The following GBP4 variants were observed in gnomAD, a reference collection of about 807,000 sequenced individuals.
GBP4 encodes guanylate binding protein 4.
Under a neutral mutation model 62.2 loss-of-function variants are expected in GBP4, and 69 were observed. The observed-to-expected ratio is 1.11, with a 90% confidence interval of 0.91 to 1.36. The LOEUF is 1.36. Among genes scored for constraint, GBP4 ranks in the 40% most tolerant of loss-of-function variants. The pLI, the probability that GBP4 is intolerant of heterozygous loss-of-function variation, is 0.00. For missense variants in GBP4, 697 were observed against 759.3 expected, an observed-to-expected ratio of 0.92 and a Z score of 0.96; for synonymous variants, 278 against 274.6, an observed-to-expected ratio of 1.01 and a Z score of -0.12.
chr1:89,188,028 T>C (rs1405218621), intron 8 of GBP4, among the ~76,000 whole-genome samples: 1 of 152,174 alleles, frequency 6.6e-6, no homozygotes, highest in African/African-American at 2.4e-5. Context: ...TCTTAGGCAC[T>C]TTATTAACCT....
At chr1:89,198,138 A>C (rs530335680) in intron 1 of GBP4, among the ~76,000 whole-genome samples, 2 of 152,226 alleles carry the variant, frequency 1.3e-5, no homozygotes, top group African/African-American at 2.4e-5. Context: ...ATTCTATCAC[A>C]AGGTGATAGA....
At chr1:89,193,444 G>T in intron 3 of GBP4, 32 bp from the exon 4 acceptor site, 2 of 1,524,910 alleles carry the variant, frequency 1.3e-6, no homozygotes, top group Non-Finnish European at 1.8e-6. Flanking sequence ...AGACTTAGGA[G>T]TATTCTCTTC....
rs998269619 is a variant in GBP4, at chr1:89,182,215, G to A, written c.*3039C>T. 1 of 152,166 alleles carries A rather than the reference G, an allele frequency of 6.6e-6. No homozygotes were observed. The highest frequency in any genetic ancestry group is 2.4e-5 in the African/African-American group (1 of 41,440). 9.4% of individuals were successfully genotyped at this position (152,166 alleles called of 1,614,324 possible). On this transcript the variant is annotated 3_prime_UTR_variant, in exon 11 of 11. Transcript: ENST00000355754. ...TCAGACACCGAGTTGGAGAAGGAAG[G>A]GCTTTTTTCAGCTGGTGGCATCAGC...
chr1:89,193,467 A>T, intron 3 of GBP4, 55 bp from the exon 4 acceptor site: 6 of 1,464,914 alleles, frequency 4.1e-6, no homozygotes, highest in Non-Finnish European at 5.7e-6. Context: ...TCATTCATTC[A>T]TTCATTTGGT....
rs1016541437 is a variant in GBP4 at position 89,182,545 on chromosome 1, G to A, written c.*2709C>T. Reference sequence around the variant, plus strand: ...CGCCCAGGCTGGAGTGCAGTGGCGCGATCTCGACTCACTGCAAGCTCCGCC... The same window carrying A: ...CGCCCAGGCTGGAGTGCAGTGGCGCAATCTCGACTCACTGCAAGCTCCGCC... On this transcript the variant is annotated 3_prime_UTR_variant, in exon 11 of 11. Coordinates refer to ENST00000355754, the MANE Select transcript of GBP4 (RefSeq NM_052941.5). 2.7e-5 allele frequency: 4 copies of A among 148,018 alleles called. No homozygotes were observed. The highest frequency in any genetic ancestry group is 1.0e-4 in the African/African-American group (4 of 40,180). 9.2% of individuals were successfully genotyped at this position (148,018 alleles called of 1,614,324 possible).
chr1:89,188,473 G>A (rs937650090), intron 8 of GBP4, 109 bp downstream of exon 8: 10 of 860,078 alleles, frequency 1.2e-5, no homozygotes, highest in Middle Eastern at 2.4e-4. Flanking sequence ...ATAGCATCAT[G>A]TTCTGCTTCC....
chr1:89,190,714 C>T (rs1039239931), intron 6 of GBP4, among the ~76,000 whole-genome samples: 3 of 151,698 alleles, frequency 2.0e-5, no homozygotes, highest in African/African-American at 7.3e-5. Flanking sequence ...TTATTCTTTA[C>T]AAGGGAACTT....
rs1648239815 is a variant in GBP4 at position 89,193,324 on chromosome 1, T to C, written c.452A>G (p.His151Arg). 1 of 1,614,024 alleles carries C rather than the reference T, an allele frequency of 6.2e-7. No homozygotes were observed. Among genetic ancestry groups the C allele is most frequent in the Non-Finnish European group, 8.5e-7 (1 of 1,179,982 alleles). ...ATACTGCAGCTGCTCCAGGGCCTGG[T>C]GGTTGATGGTGCTCACGCTGTTATA... ...FVYNSVSTIN[H>R]QALEQLHYVT... The change falls in exon 4 of 11, where the codon CAC becomes CGC. Residue 151 changes from histidine to arginine, a missense_variant. This residue lies in a region of GBP4 where 556 missense variants were observed against 562.7 expected (regional missense o/e 0.99). Transcript: ENST00000355754.
In GBP4 at chr1:89,185,196, T is replaced by C. The variant is rs1647997900; in HGVS notation, c.*58A>G. On this transcript the variant is annotated 3_prime_UTR_variant, in exon 11 of 11. Transcript: ENST00000355754. ...ACTTACAAAATGAGCAACAGTGTTA[T>C]GTTATTAAAATAAAATAAACCTCAT... The C allele has an allele frequency of 2.9e-6, 3 of 1,041,480 alleles. No individual in the cohort carries two copies. The highest frequency in any genetic ancestry group is 2.4e-5 in the East Asian group (1 of 41,764). 64.5% of individuals were successfully genotyped at this position (1,041,480 alleles called of 1,614,324 possible). A position where few individuals can be genotyped will look rare whatever the true frequency, so the allele number is the denominator to read the frequency against.
At position 89,186,532 on chromosome 1, in the gene GBP4, C is replaced by T; in HGVS notation, c.1514-6G>A. ...TTCCTTCATGGCCCGCTCCGCTATT[C>T]CACAAAGGTTTTAGAGAGGGAAGAA... On this transcript the variant is annotated splice_region_variant and splice_polypyrimidine_tract_variant and intron_variant, in intron 9 of 10. Coordinates refer to ENST00000355754, the MANE Select transcript of GBP4 (RefSeq NM_052941.5). 6.2e-7 allele frequency: 1 copy of T among 1,613,088 alleles called. No individual in the cohort carries two copies. Among genetic ancestry groups the T allele is most frequent in the Non-Finnish European group, 8.5e-7 (1 of 1,179,606 alleles).
Position 89,191,246 on chromosome 1 carries a change from CA to C in GBP4, c.916+14del, listed in dbSNP as rs773491206. On this transcript the variant is annotated intron_variant, in intron 6 of 10. Transcript: ENST00000355754. ...GACCACAGACAGACATGCTTTGGGA[CA>C]AAAAAAGACTCACGCTTTCCAGTGA... 6.2e-7 allele frequency: 1 copy of C among 1,607,632 alleles called. No individual in the cohort carries two copies. The highest frequency in any genetic ancestry group is 8.5e-7 in the Non-Finnish European group (1 of 1,174,608).
intron 10 of GBP4, among the ~76,000 whole-genome samples, chr1:89,185,893 A>T (rs1198854082): frequency 1.3e-5 from 2 of 152,216 alleles, no homozygotes; most frequent in East Asian, 3.8e-4. Context: ...GTTGTATAGG[A>T]TGAATCAGGC....
In GBP4 at chr1:89,193,416, G is replaced by A. The variant is rs1029077897; in HGVS notation, c.364-4C>T. ...ACGAGTCATTCTTAGGGTTACTCTAGAAAGCATATAAAGCAAAAGACTTAG... is the reference window on the plus strand; with the variant it reads ...ACGAGTCATTCTTAGGGTTACTCTAAAAAGCATATAAAGCAAAAGACTTAG... On this transcript the variant is annotated splice_region_variant and splice_polypyrimidine_tract_variant and intron_variant, in intron 3 of 10. Coordinates refer to ENST00000355754, the MANE Select transcript of GBP4 (RefSeq NM_052941.5). 5.6e-6 allele frequency: 9 copies of A among 1,611,514 alleles called. No homozygotes were observed. The African/African-American group carries it at 1.1e-4, about 19-fold the overall frequency.
rs368648285 is a variant in GBP4, at chr1:89,186,526, G to A, written c.1514C>T (p.Ala505Val). 51 of 1,613,118 alleles carry A rather than the reference G, an allele frequency of 3.2e-5. No homozygotes were observed. Among genetic ancestry groups the A allele is most frequent in the Admixed American group, 5.0e-5 (3 of 59,856 alleles). Residue 505 changes from alanine to valine, a missense_variant and splice_region_variant, in exon 10 of 11, where the codon GCG (alanine) becomes GTG (valine). Transcript: ENST00000355754. ...ALTAGEKAIA[A>V]ERAMKEAAEK... Reference sequence around the variant, plus strand: ...AGCTGCTTCCTTCATGGCCCGCTCCGCTATTCCACAAAGGTTTTAGAGAGG... The same window carrying A: ...AGCTGCTTCCTTCATGGCCCGCTCCACTATTCCACAAAGGTTTTAGAGAGG...
chr1:89,186,839 T>C (rs541122823), intron 9 of GBP4, among the ~76,000 whole-genome samples, 161 bp downstream of exon 9: 58 of 152,350 alleles, frequency 3.8e-4, no homozygotes, highest in South Asian at 3.7e-3. Flanking sequence ...TTAACTATAG[T>C]CGCTGTGCTG....
At chr1:89,188,305 C>A (rs747708790) in intron 8 of GBP4, among the ~76,000 whole-genome samples, 4 of 152,078 alleles carry the variant, frequency 2.6e-5, no homozygotes, top group Non-Finnish European at 5.9e-5. Context: ...ATAAGGTATC[C>A]TCTGCACTTA....
At position 89,193,292 on chromosome 1, in the gene GBP4, C is replaced by T. The variant is rs762604969; in HGVS notation, c.473+11G>A. 8 of 1,612,576 alleles carry T rather than the reference C, an allele frequency of 5.0e-6. No homozygotes were observed. In the African/African-American group the frequency reaches 8.0e-5, roughly 16 times the overall value. ...CCCATAAAACCTGCTCTTCACTTCC[C>T]AGAAGGATACTGCAGCTGCTCCAGG... On this transcript the variant is annotated intron_variant, in intron 4 of 10. Transcript: ENST00000355754.
Position 89,184,122 on chromosome 1 carries a change from A to G in GBP4, c.*1132T>C, listed in dbSNP as rs1647964566. 6.6e-6 allele frequency: 1 copy of G among 152,262 alleles called. No homozygotes were observed. The highest frequency in any genetic ancestry group is 6.5e-5 in the Admixed American group (1 of 15,288). The allele number at this position is 152,262 out of a possible 1,614,324, so 9.4% of individuals were successfully genotyped here. A position where few individuals can be genotyped will look rare whatever the true frequency, so the allele number is the denominator to read the frequency against. ...AAAAAGCATATAAAAATCACTCATC[A>G]TCACTAATCACTACAGAAATGCATA... is the stretch of plus-strand genomic sequence containing the variant. On this transcript the variant is annotated 3_prime_UTR_variant, in exon 11 of 11. Transcript: ENST00000355754.
rs752576210 is a variant in GBP4, at chr1:89,198,843, C to T, written c.-9G>A. On this transcript the variant is annotated 5_prime_UTR_variant, in exon 1 of 11. Transcript: ENST00000355754. ...AGAGTTCTCTCACCCATTGCTCTGT[C>T]CTCCTGCGCCTGGATCCTCGAGAAA... 3.7e-6 allele frequency: 6 copies of T among 1,613,620 alleles called. No individual in the cohort carries two copies. The highest frequency in any genetic ancestry group is 4.2e-6 in the Non-Finnish European group (5 of 1,179,500).
Sources: allele counts gnomAD v4.1 joint callset (sites outside exome capture counted in the v4.1 genomes callset), GRCh38; gene constraint gnomAD v4.1.1; regional missense constraint gnomAD v4.1.1; transcripts MANE v1.5; gene names NCBI Gene and HGNC (gene_info 2026-07-23, HGNC 2026-07-21).